The following ZFPM2 variants were observed in gnomAD, a reference collection of about 807,000 sequenced individuals.
The protein encoded by ZFPM2 is zinc finger protein, FOG family member 2.
A neutral mutation model predicts 98.6 loss-of-function variants in ZFPM2; 20 were observed. The ratio of observed to expected loss-of-function variants is 0.20; its 90% CI spans 0.14 to 0.29. The LOEUF is 0.29. Among genes scored for constraint, ZFPM2 ranks in the 10% least tolerant of loss-of-function variants. ZFPM2 has a pLI of 1.00. For synonymous variants in ZFPM2, 518 were observed against 502.7 expected (o/e 1.03, Z -0.41); for missense variants, 1,310 against 1,388.6 (o/e 0.94, Z 0.90).
chr8:105,616,365 A>G (rs553238118), intron 4 of ZFPM2, among the ~76,000 whole-genome samples: 1 of 152,262 alleles, frequency 6.6e-6, no homozygotes, highest in South Asian at 2.1e-4. Context: ...TTTTGCTAGC[A>G]GTGGTAAAGT....
intron 1 of ZFPM2, among the ~76,000 whole-genome samples, chr8:105,320,296 G>C (rs186007445): frequency 2.0e-5 from 3 of 151,002 alleles, no homozygotes; most frequent in Non-Finnish European, 4.4e-5. Context: ...GTGTGTGTGT[G>C]TGTCTGCTAC....
chr8:105,548,706 G>A (rs1814771417), intron 3 of ZFPM2, among the ~76,000 whole-genome samples: 1 of 152,112 alleles, frequency 6.6e-6, no homozygotes, highest in Non-Finnish European at 1.5e-5. Context: ...CTCCCTCTGA[G>A]ATGCCATTCC....
At chr8:105,403,333 C>T (rs1486879344) in intron 1 of ZFPM2, among the ~76,000 whole-genome samples, 1 of 151,990 alleles carries the variant, frequency 6.6e-6, no homozygotes, top group Non-Finnish European at 1.5e-5. Flanking sequence ...TACTACCTCT[C>T]ATCTTTTCGA....
At chr8:105,390,108 T>C (rs1196455102) in intron 1 of ZFPM2, among the ~76,000 whole-genome samples, 1 of 152,162 alleles carries the variant, frequency 6.6e-6, no homozygotes, top group Admixed American at 6.5e-5. Context: ...ATTCTGACAC[T>C]AACAACCTAT....
At chr8:105,756,447 C>T (rs1201575477) in intron 5 of ZFPM2, among the ~76,000 whole-genome samples, 3 of 152,074 alleles carry the variant, frequency 2.0e-5, no homozygotes, top group East Asian at 1.9e-4. Context: ...GGATGAAAAG[C>T]GAAAAAGCTC....
intron 4 of ZFPM2, among the ~76,000 whole-genome samples, chr8:105,590,052 C>T (rs552194837): frequency 6.6e-6 from 1 of 152,254 alleles, no homozygotes; most frequent in South Asian, 2.1e-4. Flanking sequence ...ATTTTGTTTA[C>T]AGCTGCATAT....
chr8:105,666,516 G>T (rs1817491468), intron 5 of ZFPM2, among the ~76,000 whole-genome samples: 1 of 152,156 alleles, frequency 6.6e-6, no homozygotes, highest in Non-Finnish European at 1.5e-5. Flanking sequence ...AATCACTTTG[G>T]AGACTGTGTA....
chr8:105,457,859 C>T (rs113693321), intron 3 of ZFPM2, among the ~76,000 whole-genome samples: 160 of 152,170 alleles, frequency 1.1e-3, no homozygotes, highest in African/African-American at 3.6e-3. Flanking sequence ...CTCTGAAAGA[C>T]GAGGGAAAAT....
At chr8:105,774,849 C>T (rs1418614540) in intron 5 of ZFPM2, among the ~76,000 whole-genome samples, 2 of 152,048 alleles carry the variant, frequency 1.3e-5, no homozygotes, top group African/African-American at 4.8e-5. Context: ...TTTGAACTTA[C>T]TGATGCTAAA....
chr8:105,441,456 A>AGAGAGAG (rs1563659915), intron 2 of ZFPM2, among the ~76,000 whole-genome samples: 8 of 46,118 alleles, frequency 1.7e-4, no homozygotes, highest in African/African-American at 9.3e-4. Context: ...GAGAGAGAGA[A>AGAGAGAG]AGAAAGAAAG....
At chr8:105,696,563 G>A (rs1314627939) in intron 5 of ZFPM2, among the ~76,000 whole-genome samples, 1 of 151,952 alleles carries the variant, frequency 6.6e-6, no homozygotes, top group Non-Finnish European at 1.5e-5. Flanking sequence ...AATTATTTAC[G>A]AGATAATATT....
intron 2 of ZFPM2, among the ~76,000 whole-genome samples, chr8:105,421,359 A>G (rs544149309): frequency 7.2e-4 from 109 of 152,256 alleles, no homozygotes; most frequent in African/African-American, 2.6e-3. Context: ...TTATAAGATA[A>G]TTCTGTAATG....
intron 3 of ZFPM2, among the ~76,000 whole-genome samples, chr8:105,522,557 G>A (rs1337595018): frequency 3.9e-5 from 6 of 152,078 alleles, no homozygotes; most frequent in Non-Finnish European, 8.8e-5. Context: ...AGATCATGAG[G>A]TCAGGAGTTC....
chr8:105,776,858 A>T (rs1211471380), intron 5 of ZFPM2, among the ~76,000 whole-genome samples: 1 of 152,218 alleles, frequency 6.6e-6, no homozygotes, highest in Non-Finnish European at 1.5e-5. Context: ...AAATATTGAC[A>T]TAATACAGAA....
intron 1 of ZFPM2, among the ~76,000 whole-genome samples, chr8:105,366,805 T>C: frequency 6.6e-6 from 1 of 151,816 alleles, no homozygotes; most frequent in East Asian, 2.0e-4. Flanking sequence ...TGCCCATGCC[T>C]ATGTCCTGAA....
chr8:105,507,002 A>C (rs970731720), intron 3 of ZFPM2, among the ~76,000 whole-genome samples: 5 of 151,934 alleles, frequency 3.3e-5, no homozygotes, highest in African/African-American at 7.3e-5. Context: ...AAAAAAAAAA[A>C]AACAAAAGAA....
intron 5 of ZFPM2, among the ~76,000 whole-genome samples, chr8:105,643,578 A>G (rs1018379554): frequency 6.6e-6 from 1 of 152,160 alleles, no homozygotes; most frequent in African/African-American, 2.4e-5. Flanking sequence ...ATATAAATGT[A>G]TGGTAAAAAT....
At chr8:105,380,981 G>T (rs1810876722) in intron 1 of ZFPM2, among the ~76,000 whole-genome samples, 1 of 128,832 alleles carries the variant, frequency 7.8e-6, no homozygotes, top group Non-Finnish European at 1.6e-5. Context: ...GAACTTACAG[G>T]TTTGTTACAT....
At chr8:105,656,502 CG>C (rs900734215) in intron 5 of ZFPM2, among the ~76,000 whole-genome samples, 1 of 152,114 alleles carries the variant, frequency 6.6e-6, no homozygotes, top group African/African-American at 2.4e-5. Context: ...ATCAGTATTA[CG>C]TCCCTAGGCA....
Sources: gnomAD v4.1 joint callset for allele counts (sites outside exome capture counted in the v4.1 genomes callset) on GRCh38, gnomAD v4.1.1 for gene constraint, MANE v1.5 for transcripts, NCBI Gene and HGNC (gene_info 2026-07-23, HGNC 2026-07-21) for gene names.